The following CDYL variants were observed in gnomAD, a reference collection of about 807,000 sequenced individuals.
The protein encoded by CDYL is chromodomain Y-like protein.
A neutral mutation model predicts 47.3 loss-of-function variants in CDYL; 8 were observed. The ratio of observed to expected loss-of-function variants is 0.17; its 90% confidence interval spans 0.10 to 0.31. The LOEUF (loss-of-function observed/expected upper bound fraction) is 0.31. CDYL is among the 10% of genes least tolerant of loss of function. The pLI is 1.00. For missense variants in CDYL, 471 were observed against 701.4 expected, an observed-to-expected ratio of 0.67 and a Z score of 3.71; for synonymous variants, 266 against 265.0, an observed-to-expected ratio of 1.00 and a Z score of -0.04.
intron 1 of CDYL, among the ~76,000 whole-genome samples, chr6:4,833,749 G>T (rs1471065606): frequency 2.6e-5 from 4 of 151,818 alleles, no homozygotes; most frequent in Non-Finnish European, 4.4e-5. Flanking sequence ...TTATGAATCT[G>T]GGTGCTCCTG....
chr6:4,759,415 T>C (rs1373870635), intron 3 of CDYL, among the ~76,000 whole-genome samples: 2 of 152,350 alleles, frequency 1.3e-5, no homozygotes, highest in South Asian at 4.1e-4. Flanking sequence ...TTTAAAATCA[T>C]ATAAAATGTC....
At chr6:4,815,226 T>C (rs1418891385) in intron 1 of CDYL, among the ~76,000 whole-genome samples, 1 of 152,246 alleles carries the variant, frequency 6.6e-6, no homozygotes, top group Non-Finnish European at 1.5e-5. Context: ...TATGTGTATA[T>C]ATGCATATGT....
intron 1 of CDYL, among the ~76,000 whole-genome samples, chr6:4,706,762 C>G (rs1357825396): frequency 1.3e-5 from 2 of 152,166 alleles, no homozygotes; most frequent in African/African-American, 4.8e-5. Context: ...GCACTCCAGC[C>G]TGGGTGACAG....
At chr6:4,777,051 G>C (rs1758483391) in intron 1 of CDYL, among the ~76,000 whole-genome samples, 2 of 148,406 alleles carry the variant, frequency 1.3e-5, no homozygotes, top group African/African-American at 2.5e-5. Context: ...CCGTGGGGAA[G>C]TGGTGCTGAC....
rs140098734 is a variant in CDYL at position 4,786,006 on chromosome 6, G to C, written c.24+9199G>C. ...GGCATATGTTGCAAAGAGCTATCAA[G>C]AAGAGTTTTTAAAAAGTGTTGCTAT... On this transcript the variant is annotated intron_variant, in intron 1 of 6. Transcript: ENST00000397588. Among the ~76,000 whole-genome samples, 295 of 152,342 alleles carry C rather than the reference G, an allele frequency of 1.9e-3. 1 individual carries two copies. Among genetic ancestry groups the C allele is most frequent in the African/African-American group, 6.8e-3 (281 of 41,580 alleles).
chr6:4,836,248 G>A (rs2127456469), intron 1 of CDYL: 3 of 984,602 alleles, frequency 3.0e-6, no homozygotes, highest in South Asian at 4.7e-5. Context: ...AGGTTTCTAA[G>A]TCAGCCACAA....
intron 2 of CDYL, among the ~76,000 whole-genome samples, chr6:4,933,088 T>C (rs1320011024): frequency 6.6e-6 from 1 of 152,192 alleles, no homozygotes; most frequent in African/African-American, 2.4e-5. Context: ...AAACCAGTTA[T>C]TATTGCCTTC....
chr6:4,795,708 CT>C (rs554269888), intron 1 of CDYL, among the ~76,000 whole-genome samples: 57 of 143,314 alleles, frequency 4.0e-4, no homozygotes, highest in Middle Eastern at 3.7e-3. Context: ...TTTCTTTTCT[CT>C]TTTTTTTTTT....
At chr6:4,944,959 A>G (rs1758467570) in intron 5 of CDYL, among the ~76,000 whole-genome samples, 3 of 152,150 alleles carry the variant, frequency 2.0e-5, no homozygotes, top group Admixed American at 2.0e-4. Context: ...GCTCAGTCTC[A>G]TCATGAGGAA....
chr6:4,826,879 A>G (rs1478902888), intron 1 of CDYL, among the ~76,000 whole-genome samples: 2 of 152,194 alleles, frequency 1.3e-5, no homozygotes, highest in Non-Finnish European at 2.9e-5. Context: ...CTTCTAGATA[A>G]TCTGTCCTGT....
At chr6:4,837,224 A>C (rs1454278637) in intron 1 of CDYL, among the ~76,000 whole-genome samples, 4 of 152,236 alleles carry the variant, frequency 2.6e-5, no homozygotes, top group Admixed American at 2.6e-4. Flanking sequence ...CAGTGTTACA[A>C]CTTGAGTGAC....
chr6:4,797,109 T>C (rs1407982636), intron 1 of CDYL, among the ~76,000 whole-genome samples: 1 of 152,210 alleles, frequency 6.6e-6, no homozygotes, highest in Admixed American at 6.5e-5. Flanking sequence ...TTCTCTCTCC[T>C]ATTTGACATG....
intron 2 of CDYL, among the ~76,000 whole-genome samples, chr6:4,902,224 C>A (rs1757083291): frequency 6.6e-6 from 1 of 151,406 alleles, no homozygotes; most frequent in Non-Finnish European, 1.5e-5. Flanking sequence ...CATGGAAAAA[C>A]CCTGTCTCTA....
At chr6:4,816,689 A>G (rs1320953974) in intron 1 of CDYL, among the ~76,000 whole-genome samples, 1 of 151,658 alleles carries the variant, frequency 6.6e-6, no homozygotes, top group Non-Finnish European at 1.5e-5. Flanking sequence ...GGGTTTTGCG[A>G]TGTTGCCCAG....
At chr6:4,886,654 G>A (rs1217667787) in intron 1 of CDYL, among the ~76,000 whole-genome samples, 1 of 151,574 alleles carries the variant, frequency 6.6e-6, no homozygotes, top group Non-Finnish European at 1.5e-5. Context: ...CATTCTGTAG[G>A]TTATTCTCTC....
intron 2 of CDYL, among the ~76,000 whole-genome samples, chr6:4,911,484 A>G (rs191874640): frequency 2.6e-5 from 4 of 152,332 alleles, no homozygotes; most frequent in African/African-American, 4.8e-5. Flanking sequence ...GGTTTAGTGA[A>G]CAAAATGTGT....
intron 2 of CDYL, among the ~76,000 whole-genome samples, chr6:4,917,657 T>G (rs949214780): frequency 1.3e-5 from 2 of 152,200 alleles, no homozygotes; most frequent in African/African-American, 4.8e-5. Flanking sequence ...GTTAGAATAC[T>G]GAGAAATTGA....
intron 1 of CDYL, among the ~76,000 whole-genome samples, chr6:4,822,957 AC>A (rs1330929136): frequency 6.6e-6 from 1 of 152,190 alleles, no homozygotes. Context: ...AGCAGAATAC[AC>A]TGATTCCTGA....
chr6:4,819,116 T>TTCTCTC (rs373718294), intron 1 of CDYL, among the ~76,000 whole-genome samples: 7,622 of 76,424 alleles, frequency 0.1, 695 homozygotes, highest in Middle Eastern at 0.18. Flanking sequence ...TTTAGGTTCG[T>TTCTCTC]TCTCTCTCTC....
Sources: allele counts gnomAD v4.1 joint callset (sites outside exome capture counted in the v4.1 genomes callset), GRCh38; gene constraint gnomAD v4.1.1; transcripts MANE v1.5; gene names NCBI Gene and HGNC (gene_info 2026-07-23, HGNC 2026-07-21).